Variants in NCEH1 observed in about 807,000 individuals in gnomAD.
The protein encoded by NCEH1 is 2-acetyl MAGE hydrolase.
In NCEH1, 9 loss-of-function variants were observed where a neutral mutation model predicts 25.4. That is an observed-to-expected ratio of 0.35 (90% CI 0.21 to 0.62). The LOEUF (loss-of-function observed/expected upper bound fraction) is 0.62, where lower values mean the gene tolerates loss of function less well. Ranked by LOEUF, NCEH1 falls within the 20% of genes least tolerant of loss-of-function variation. The pLI is 0.72. For missense variants in NCEH1, 412 were observed against 501.1 expected (o/e 0.82, Z 1.70); for synonymous variants, 200 against 199.8 (o/e 1.00, Z -0.01).
chr3:172,704,045 G>T (rs73026409), intron 1 of NCEH1, among the ~76,000 whole-genome samples: 1 of 152,138 alleles, frequency 6.6e-6, no homozygotes, highest in African/African-American at 2.4e-5. Flanking sequence ...ATGTTTTAAA[G>T]TTAAATTCAC....
At chr3:172,710,460 ATATT>A (rs56349941) in intron 1 of NCEH1, among the ~76,000 whole-genome samples, 89,285 of 151,736 alleles carry the variant, frequency 0.59, 28,657 homozygotes, top group Admixed American at 0.73. Context: ...TCTCCTAAAA[ATATT>A]TATCCTCTGC....
chr3:172,661,505 G>T (rs1258746993), intron 1 of NCEH1, among the ~76,000 whole-genome samples: 1 of 152,116 alleles, frequency 6.6e-6, no homozygotes, highest in Non-Finnish European at 1.5e-5. Context: ...TTCCAATTCT[G>T]TGAAGAGTCA....
intron 1 of NCEH1, among the ~76,000 whole-genome samples, chr3:172,707,168 A>T (rs1413892082): frequency 6.7e-6 from 1 of 149,046 alleles, no homozygotes; most frequent in South Asian, 2.1e-4. Flanking sequence ...ATTACCATTT[A>T]AAAAAAAAAA....
At chr3:172,698,222 C>T (rs1713484234) in intron 1 of NCEH1, among the ~76,000 whole-genome samples, 1 of 152,102 alleles carries the variant, frequency 6.6e-6, no homozygotes, top group Admixed American at 6.6e-5. Flanking sequence ...GGTGATATGC[C>T]TGCCTCAGCC....
At chr3:172,705,693 C>T (rs1370938086) in intron 1 of NCEH1, among the ~76,000 whole-genome samples, 3 of 152,088 alleles carry the variant, frequency 2.0e-5, no homozygotes, top group Non-Finnish European at 4.4e-5. Flanking sequence ...TGTATGCAAG[C>T]CCCTAATAAA....
chr3:172,674,276 C>T (rs966343175), intron 1 of NCEH1, among the ~76,000 whole-genome samples: 2 of 152,164 alleles, frequency 1.3e-5, no homozygotes, highest in South Asian at 4.1e-4. Context: ...CCTGTCTCTA[C>T]TAAAGATACC....
chr3:172,669,379 G>A (rs1174025646), intron 1 of NCEH1, among the ~76,000 whole-genome samples: 1 of 152,162 alleles, frequency 6.6e-6, no homozygotes, highest in East Asian at 1.9e-4. Context: ...CATGTTATGA[G>A]AGGAATTTGC....
chr3:172,707,983 G>A (rs1576788926), intron 1 of NCEH1, among the ~76,000 whole-genome samples: 2 of 152,162 alleles, frequency 1.3e-5, no homozygotes, highest in African/African-American at 4.8e-5. Context: ...TTTTGTTTTG[G>A]TTTGGTTTGT....
rs147743986 is a variant in NCEH1, at chr3:172,645,404, C to T, written c.437+219G>A. On this transcript the variant is annotated intron_variant, in intron 3 of 4. Transcript: ENST00000475381. The stretch of plus-strand genomic sequence containing the variant: ...TCCTTTTTTCAGTTTTCAAAACTAA[C>T]GGTGAAAAGGTAATTTGAAGTGTTA... Among the ~76,000 whole-genome samples, 33 of 152,222 alleles carry T rather than the reference C, an allele frequency of 2.2e-4. 1 individual carries two copies. The East Asian group carries it at 3.3e-3, about 15-fold the overall frequency.
intron 2 of NCEH1, among the ~76,000 whole-genome samples, chr3:172,646,330 G>C (rs1334658690): frequency 2.6e-5 from 4 of 151,948 alleles, no homozygotes; most frequent in African/African-American, 4.8e-5. Context: ...ACTCTGGCCT[G>C]GGTGACAGAG....
rs1560175867 is a variant in NCEH1, at chr3:172,633,629, G to A, written c.1073C>T (p.Ala358Val). ...CACACCGGCACTCTCCAAACGCTTG[G>A]CATACATGATGCCATCGTCTCTGAG... ...DVLRDDGIMY[A>V]KRLESAGVEV... Residue 358 changes from alanine (A) to valine (V), a missense_variant, in exon 5 of 5, where the codon GCC becomes GTC. Ala to Val is a moderately conservative substitution (Grantham distance 64, BLOSUM62 0). Around this residue, in one of 3 missense-constraint regions of NCEH1, gnomAD observed 210 missense variants for 258.2 expected, o/e 0.81. Coordinates refer to ENST00000475381, the MANE Select transcript of NCEH1 (RefSeq NM_020792.6). 1 of 1,614,188 alleles carries A rather than the reference G, an allele frequency of 6.2e-7. No homozygotes were observed. The highest frequency in any genetic ancestry group is 1.7e-5 in the Admixed American group (1 of 60,024).
chr3:172,700,414 G>T (rs901284308), intron 1 of NCEH1, among the ~76,000 whole-genome samples: 3 of 152,176 alleles, frequency 2.0e-5, no homozygotes, highest in African/African-American at 7.2e-5. Context: ...GTTATCATGA[G>T]TGTCCTCACA....
chr3:172,698,553 A>G (rs779342035), intron 1 of NCEH1, among the ~76,000 whole-genome samples: 1 of 152,206 alleles, frequency 6.6e-6, no homozygotes, highest in Non-Finnish European at 1.5e-5. Flanking sequence ...GCAGCTCTGA[A>G]AAGGGTCTCT....
chr3:172,652,001 A>G (rs1051444629), intron 1 of NCEH1, among the ~76,000 whole-genome samples: 1 of 152,264 alleles, frequency 6.6e-6, no homozygotes, highest in African/African-American at 2.4e-5. Context: ...CTGTATAGAT[A>G]AATATCTGGG....
rs533305998 is a variant in NCEH1, at chr3:172,630,787, G to C, written c.*2688C>G. On this transcript the variant is annotated 3_prime_UTR_variant, in exon 5 of 5. Transcript: ENST00000475381. ...ATTCATAAAATCTACCTTCCCCTTC[G>C]TAGTGGGAAATAAGCAAAGTCAAAG... 6.6e-6 allele frequency: 1 copy of C among 151,638 alleles called. No individual in the cohort carries two copies. The highest frequency in any genetic ancestry group is 6.6e-5 in the Admixed American group (1 of 15,244). 9.4% of individuals were successfully genotyped at this position (151,638 alleles called of 1,614,324 possible). A position where few individuals can be genotyped will look rare whatever the true frequency, so the allele number is the denominator to read the frequency against.
At chr3:172,684,116 T>C (rs916649014) in intron 1 of NCEH1, among the ~76,000 whole-genome samples, 18 of 152,324 alleles carry the variant, frequency 1.2e-4, no homozygotes, top group African/African-American at 4.3e-4. Flanking sequence ...TAGGCACCCA[T>C]TCACGTAGGT....
intron 1 of NCEH1, among the ~76,000 whole-genome samples, chr3:172,653,752 G>GTTTTTTTTTTTTTT (rs375874414): frequency 1.2e-5 from 1 of 83,840 alleles, no homozygotes; most frequent in African/African-American, 4.2e-5. Flanking sequence ...TTGTTTTTTT[G>GTTTTTTTTTTTTTT]TTTTTTTGTT....
intron 1 of NCEH1, among the ~76,000 whole-genome samples, chr3:172,701,449 C>CTTTT (rs10701435): frequency 0.11 from 12,129 of 110,786 alleles, 1,385 homozygotes; most frequent in African/African-American, 0.27. Context: ...GGTCTTTTGC[C>CTTTT]TTTTTTTTTT....
In NCEH1 at chr3:172,700,433, C is replaced by T. The variant is rs189112085; in HGVS notation, c.138+10414G>A. ...TCATGAGTGTCCTCACAGCATAGCC[C>T]AGCAGGGAGGGCATGAAACTAAGAG... On this transcript the variant is annotated intron_variant, in intron 1 of 4. Transcript: ENST00000475381. 1.4e-3 allele frequency among the ~76,000 whole-genome samples: 206 copies of T among 152,258 alleles called. 1 individual carries two copies. The highest frequency in any genetic ancestry group is 5.4e-3 in the South Asian group (26 of 4,822).
Sources: gnomAD v4.1 joint callset for allele counts (sites outside exome capture counted in the v4.1 genomes callset) on GRCh38, gnomAD v4.1.1 for gene constraint, gnomAD v4.1.1 regional missense constraint, MANE v1.5 for transcripts, NCBI Gene and HGNC (gene_info 2026-07-23, HGNC 2026-07-21) for gene names.